Variants in PARVA observed in about 807,000 individuals in gnomAD.
The protein encoded by PARVA is alpha-parvin.
In PARVA, 25 loss-of-function variants were observed where a neutral mutation model predicts 52.6. The observed-to-expected ratio is 0.48, with a 90% CI of 0.35 to 0.66. The LOEUF is 0.66. PARVA is among the 30% of genes least tolerant of loss of function. The pLI, the probability that PARVA is intolerant of heterozygous loss-of-function variation, is 0.01. For missense variants in PARVA, 373 were observed against 450.9 expected (o/e 0.83, Z 1.56); for synonymous variants, 185 against 179.1 (o/e 1.03, Z -0.26).
intron 12 of PARVA, among the ~76,000 whole-genome samples, chr11:12,523,964 C>A (rs914513487): frequency 2.0e-5 from 3 of 152,196 alleles, no homozygotes; most frequent in Admixed American, 6.5e-5. Flanking sequence ...CCTGGGACTA[C>A]CTGGGGGCCC....
rs77330201 is a variant in PARVA at position 12,421,580 on chromosome 11, A to G, written c.136+43797A>G. Among the ~76,000 whole-genome samples the G allele has an allele frequency of 4.1e-4, 63 of 152,330 alleles. 1 individual carries two copies. Among genetic ancestry groups the G allele is most frequent in the South Asian group, 2.3e-3 (11 of 4,828 alleles). ...AGAGGGGCCTCTGTCAGCTGCCCAC[A>G]TGGTGGTATCACAGCTGTCCAGGCC... On this transcript the variant is annotated intron_variant, in intron 1 of 12. Transcript: ENST00000334956.
chr11:12,397,978 C>T (rs919308254), intron 1 of PARVA, among the ~76,000 whole-genome samples: 1 of 152,098 alleles, frequency 6.6e-6, no homozygotes, highest in South Asian at 2.1e-4. Context: ...TTCCACTAGC[C>T]CAGCACGGGC....
intron 7 of PARVA, among the ~76,000 whole-genome samples, chr11:12,510,516 T>C (rs974577521): frequency 6.6e-6 from 1 of 152,184 alleles, no homozygotes; most frequent in Non-Finnish European, 1.5e-5. Flanking sequence ...CCAAAGTCAC[T>C]GTATGAGTTT....
chr11:12,477,713 T>C (rs984406519), intron 3 of PARVA, 134 bp from the exon 4 acceptor site: 3 of 607,144 alleles, frequency 4.9e-6, no homozygotes, highest in Non-Finnish European at 8.8e-6. Flanking sequence ...TGAGACCCCA[T>C]CTCAAATAAA....
intron 1 of PARVA, among the ~76,000 whole-genome samples, chr11:12,395,315 C>T (rs1203593107): frequency 3.3e-5 from 5 of 151,960 alleles, no homozygotes; most frequent in Non-Finnish European, 7.4e-5. Context: ...GGATAGTAAA[C>T]TAAGAGCACC....
chr11:12,428,071 C>A (rs1348383116), intron 1 of PARVA, among the ~76,000 whole-genome samples: 1 of 152,186 alleles, frequency 6.6e-6, no homozygotes, highest in Non-Finnish European at 1.5e-5. Flanking sequence ...TCACTACCAG[C>A]CTGTGAGACC....
intron 12 of PARVA, among the ~76,000 whole-genome samples, chr11:12,527,301 G>GGAGGGAGGATGGGAGTATTA (rs6144218): frequency 6.6e-6 from 1 of 151,180 alleles, no homozygotes; most frequent in Admixed American, 6.7e-5. Context: ...TCAGAGGAAA[G>GGAGGGAGGATGGGAGTATTA]GAGGGAGGGA....
intron 10 of PARVA, among the ~76,000 whole-genome samples, chr11:12,515,566 A>G (rs1041944728): frequency 1.3e-5 from 2 of 152,188 alleles, no homozygotes; most frequent in Admixed American, 1.3e-4. Context: ...GGAACCAGCC[A>G]TGGGAGGTGA....
intron 4 of PARVA, chr11:12,479,706 T>C (rs1941060221): frequency 6.6e-6 from 1 of 152,362 alleles, no homozygotes; most frequent in South Asian, 2.1e-4. Flanking sequence ...CTTGCACATA[T>C]GTGCATATAT....
chr11:12,513,110 G>A (rs1347134836), intron 8 of PARVA, 189 bp from the exon 9 acceptor site: 1 of 702,492 alleles, frequency 1.4e-6, no homozygotes. Flanking sequence ...CAGGCTCCCA[G>A]GGTGAGAATC....
intron 1 of PARVA, among the ~76,000 whole-genome samples, chr11:12,403,581 G>A (rs1292360792): frequency 6.6e-6 from 1 of 152,212 alleles, no homozygotes; most frequent in African/African-American, 2.4e-5. Context: ...CATTAACAAA[G>A]CCAGTAAGCC....
At chr11:12,508,501 G>C in intron 6 of PARVA, 83 bp from the exon 7 acceptor site, 1 of 945,974 alleles carries the variant, frequency 1.1e-6, no homozygotes, top group Non-Finnish European at 1.7e-6. Flanking sequence ...CTCATTATCA[G>C]GAATGCTCAT....
At chr11:12,425,138 C>T (rs1589952717) in intron 1 of PARVA, among the ~76,000 whole-genome samples, 2 of 152,280 alleles carry the variant, frequency 1.3e-5, no homozygotes, top group South Asian at 4.1e-4. Context: ...TCGAGATGTT[C>T]TGAGAATCCA....
chr11:12,504,478 G>A (rs1441038843), intron 6 of PARVA, 49 bp downstream of exon 6: 5 of 1,201,352 alleles, frequency 4.2e-6, no homozygotes, highest in Non-Finnish European at 6.2e-6. Context: ...GAGTCGTGGA[G>A]GTCGAGTTCC....
At chr11:12,493,176 T>A (rs1456410598) in intron 4 of PARVA, among the ~76,000 whole-genome samples, 1 of 151,852 alleles carries the variant, frequency 6.6e-6, no homozygotes, top group Non-Finnish European at 1.5e-5. Flanking sequence ...ACCAACATAA[T>A]GAAACCCCAT....
chr11:12,531,067 G>A lies in PARVA; in HGVS notation c.*3142G>A, dbSNP rs1941766387. Among the ~76,000 whole-genome samples the A allele has an allele frequency of 6.6e-6, 1 of 152,126 alleles. No individual in the cohort carries two copies. The highest frequency in any genetic ancestry group is 2.4e-5 in the African/African-American group (1 of 41,418). ...AGGTTTCATTTTTATATATTACCAG[G>A]ACTACGAATTTGTAATCCACTAAGC... On this transcript the variant is annotated 3_prime_UTR_variant, in exon 13 of 13. Transcript: ENST00000334956.
At chr11:12,448,483 A>G (rs1389861346) in intron 1 of PARVA, among the ~76,000 whole-genome samples, 2 of 152,216 alleles carry the variant, frequency 1.3e-5, no homozygotes, top group Non-Finnish European at 2.9e-5. Context: ...ACATTGGGTA[A>G]GGGTGCTTGG....
chr11:12,460,618 C>T (rs549364974), intron 1 of PARVA, among the ~76,000 whole-genome samples: 111 of 152,284 alleles, frequency 7.3e-4, no homozygotes, highest in Non-Finnish European at 1.4e-3. Context: ...CACAGCATGT[C>T]TGTTTGCTTA....
upstream of PARVA, chr11:12,376,700 G>A: frequency 1.0e-6 from 1 of 983,344 alleles, no homozygotes; most frequent in Non-Finnish European, 1.2e-6. Flanking sequence ...GAGACAGACA[G>A]AAGGACAAAG....
Sources: gnomAD v4.1 joint callset for allele counts (sites outside exome capture counted in the v4.1 genomes callset) on GRCh38, gnomAD v4.1.1 for gene constraint, MANE v1.5 for transcripts, NCBI Gene and HGNC (gene_info 2026-07-23, HGNC 2026-07-21) for gene names.